The following GRID2 variants were observed in gnomAD, a reference collection of about 807,000 sequenced individuals.
GRID2 encodes the protein glutamate ionotropic receptor delta type subunit 2, also known as glutamate receptor ionotropic, delta-2.
In GRID2, 33 loss-of-function variants were observed where a neutral mutation model predicts 114.8. The observed-to-expected ratio is 0.29, with a 90% CI of 0.22 to 0.38. GRID2 has a LOEUF of 0.38. Ranked by LOEUF, GRID2 falls within the 10% of genes least tolerant of loss-of-function variation. GRID2 has a pLI of 1.00. For synonymous variants in GRID2, 505 were observed against 449.9 expected, an observed-to-expected ratio of 1.12 and a Z score of -1.55; for missense variants, 1,184 against 1,257.7, an observed-to-expected ratio of 0.94 and a Z score of 0.89.
intron 1 of GRID2, among the ~76,000 whole-genome samples, chr4:92,311,732 A>G (rs1426476753): frequency 6.6e-6 from 1 of 152,068 alleles, no homozygotes; most frequent in Non-Finnish European, 1.5e-5. Context: ...GTATATGGTA[A>G]TATAAGCATT....
At chr4:92,415,262 G>C (rs1260675603) in intron 1 of GRID2, among the ~76,000 whole-genome samples, 2 of 151,694 alleles carry the variant, frequency 1.3e-5, no homozygotes, top group Non-Finnish European at 2.9e-5. Flanking sequence ...ATTATCTTCT[G>C]TAGAGATAAT....
At chr4:93,704,046 T>G (rs1271302912) in intron 14 of GRID2, among the ~76,000 whole-genome samples, 4 of 152,264 alleles carry the variant, frequency 2.6e-5, no homozygotes, top group East Asian at 3.9e-4. Flanking sequence ...GTATTTCCAG[T>G]TCTAGATCCC....
At chr4:92,546,488 T>C (rs1726267609) in intron 1 of GRID2, among the ~76,000 whole-genome samples, 1 of 152,196 alleles carries the variant, frequency 6.6e-6, no homozygotes. Context: ...CCACGTGACC[T>C]TATGTTGTTC....
chr4:93,271,817 CA>C (rs11367388), intron 8 of GRID2, among the ~76,000 whole-genome samples: 16,400 of 152,070 alleles, frequency 0.11, 1,876 homozygotes, highest in East Asian at 0.28. Flanking sequence ...CTAACATTAA[CA>C]AAGCTAAAAG....
intron 2 of GRID2, among the ~76,000 whole-genome samples, chr4:92,594,790 T>C (rs939284555): frequency 1.3e-5 from 2 of 152,038 alleles, no homozygotes; most frequent in Non-Finnish European, 2.9e-5. Context: ...GGCATCTATG[T>C]ACAACATTTA....
At position 93,163,352 on chromosome 4, in the gene GRID2, T is replaced by TC. The variant is rs1169024018; in HGVS notation, c.736-44052_736-44051insC. Among the ~76,000 whole-genome samples, 3 of 93,168 alleles carry TC rather than the reference T, an allele frequency of 3.2e-5. No homozygotes were observed. The East Asian group carries it at 7.8e-4, about 24-fold the overall frequency. The allele number at this position is 93,168 out of a possible 152,430, so 61.1% of individuals were successfully genotyped here. On this transcript the variant is annotated intron_variant, in intron 4 of 15. Coordinates refer to ENST00000282020, the MANE Select transcript of GRID2 (RefSeq NM_001510.4). ...TTATTTTCCACTTCTGATTTTTTTT[T>TC]TGTGTATATATATATATATATATAT...
At chr4:92,933,287 G>A (rs1468100390) in intron 2 of GRID2, among the ~76,000 whole-genome samples, 1 of 151,202 alleles carries the variant, frequency 6.6e-6, no homozygotes, top group East Asian at 1.9e-4. Flanking sequence ...TTTAAGTGGT[G>A]TAAGATATTA....
chr4:93,250,553 C>CAA (rs33946614), intron 8 of GRID2, among the ~76,000 whole-genome samples: 24 of 146,170 alleles, frequency 1.6e-4, no homozygotes, highest in Admixed American at 2.1e-4. Flanking sequence ...TTCTTCTTGA[C>CAA]AAAAAAAAAG....
chr4:93,190,747 CTAAT>C (rs1024132712), intron 4 of GRID2, among the ~76,000 whole-genome samples: 18 of 152,108 alleles, frequency 1.2e-4, no homozygotes, highest in African/African-American at 3.6e-4. Flanking sequence ...CATCCTTTAA[CTAAT>C]TATTTTTCTT....
At position 93,042,275 on chromosome 4, in the gene GRID2, TTCTCTCTCTC is replaced by T. The variant is rs533042666; in HGVS notation, c.245-42704_245-42695del. Among the ~76,000 whole-genome samples the T allele has an allele frequency of 1.4e-4, 17 of 125,620 alleles. 1 individual carries two copies. The South Asian group carries it at 1.8e-3, about 14-fold the overall frequency. 82.4% of individuals were successfully genotyped at this position (125,620 alleles called of 152,430 possible). ...TCTCTCTCTCTCTCTCTCTCTCTCTTTCTCTCTCTCTCTCTCTCTCTCTCTATATATATAT... is the reference window on the plus strand; with the variant it reads ...TCTCTCTCTCTCTCTCTCTCTCTCTTTCTCTCTCTCTCTCTATATATATAT... On this transcript the variant is annotated intron_variant, in intron 2 of 15. Transcript: ENST00000282020.
chr4:92,699,086 C>T (rs28562620), intron 2 of GRID2, among the ~76,000 whole-genome samples: 13,231 of 151,834 alleles, frequency 0.087, 611 homozygotes, highest in African/African-American at 0.1. Context: ...AGAAAAAAAA[C>T]AGTAATTTCA....
At chr4:92,517,303 G>T (rs1724547132) in intron 1 of GRID2, among the ~76,000 whole-genome samples, 2 of 151,752 alleles carry the variant, frequency 1.3e-5, no homozygotes, top group Non-Finnish European at 2.9e-5. Context: ...TTGTTCATTT[G>T]CTTTATTTAT....
chr4:93,414,685 T>TTATTTATATATATATA (rs1767530014), intron 9 of GRID2, among the ~76,000 whole-genome samples: 1 of 140,518 alleles, frequency 7.1e-6, no homozygotes, highest in African/African-American at 2.7e-5. Context: ...ATCTGACATT[T>TTATTTATATATATATA]TATATATATA....
chr4:93,714,373 C>T (rs181542911), intron 14 of GRID2, among the ~76,000 whole-genome samples: 4 of 152,248 alleles, frequency 2.6e-5, no homozygotes, highest in Admixed American at 2.6e-4. Flanking sequence ...CATGTCTTTG[C>T]TATTGTGAAT....
intron 13 of GRID2, among the ~76,000 whole-genome samples, chr4:93,579,052 A>G (rs1223872657): frequency 6.7e-6 from 1 of 150,120 alleles, no homozygotes; most frequent in Admixed American, 6.6e-5. Flanking sequence ...ATCCAAATCA[A>G]TTTTTTTTTT....
intron 2 of GRID2, among the ~76,000 whole-genome samples, chr4:92,624,016 A>G (rs1730401281): frequency 6.6e-6 from 1 of 151,880 alleles, no homozygotes; most frequent in Non-Finnish European, 1.5e-5. Context: ...GTGGTATTAT[A>G]GACTGCAGAA....
chr4:93,105,302 T>C (rs1377554998), intron 3 of GRID2, among the ~76,000 whole-genome samples: 1 of 152,180 alleles, frequency 6.6e-6, no homozygotes, highest in Non-Finnish European at 1.5e-5. Context: ...GCAGAAGCTC[T>C]TTAGTTTACT....
intron 2 of GRID2, among the ~76,000 whole-genome samples, chr4:92,968,469 C>A (rs1050044111): frequency 6.6e-6 from 1 of 151,876 alleles, no homozygotes; most frequent in African/African-American, 2.4e-5. Flanking sequence ...CTAGCAAAAA[C>A]CACCTCTTTT....
intron 2 of GRID2, among the ~76,000 whole-genome samples, chr4:92,935,261 G>T (rs1391746262): frequency 6.8e-6 from 1 of 147,362 alleles, no homozygotes; most frequent in African/African-American, 2.4e-5. Flanking sequence ...AGACATTTAT[G>T]CAGCCAAAAA....
Sources: allele counts gnomAD v4.1 joint callset (sites outside exome capture counted in the v4.1 genomes callset), GRCh38; gene constraint gnomAD v4.1.1; transcripts MANE v1.5; gene names NCBI Gene and HGNC (gene_info 2026-07-23, HGNC 2026-07-21).